BLTP1: variants seen among roughly 807,000 people sequenced by gnomAD.
The protein encoded by BLTP1 is bridge-like lipid transfer protein family member 1.
the BLTP1 span, chr4:122,344,882 A>G: frequency 1.0e-6 from 1 of 984,934 alleles, no homozygotes; most frequent in East Asian, 1.1e-4. Flanking sequence ...GTAAATGCTT[A>G]AAACACTAAA....
chr4:122,291,050 C>T, the BLTP1 span: 9 of 246,490 alleles, frequency 3.7e-5, no homozygotes, highest in Non-Finnish European at 5.2e-5. Context: ...CTTTTCTTAA[C>T]CTTTAGATTG....
the BLTP1 span, among the ~76,000 whole-genome samples, chr4:122,157,537 G>C: frequency 6.6e-6 from 1 of 152,178 alleles, no homozygotes; most frequent in African/African-American, 2.4e-5. Flanking sequence ...TTGGGTTTGT[G>C]CTCCTATGAG....
chr4:122,264,359 C>T, the BLTP1 span: 2 of 1,611,842 alleles, frequency 1.2e-6, no homozygotes, highest in Non-Finnish European at 1.7e-6. Context: ...TAGCACCAGT[C>T]AGGATGATGT....
the BLTP1 span, among the ~76,000 whole-genome samples, chr4:122,212,396 G>T: frequency 6.6e-6 from 1 of 152,032 alleles, no homozygotes; most frequent in Non-Finnish European, 1.5e-5. Flanking sequence ...TTACTTTCTT[G>T]AGATTGCATG....
chr4:122,229,129 T>C, the BLTP1 span: 2 of 1,596,844 alleles, frequency 1.3e-6, no homozygotes, highest in Non-Finnish European at 1.7e-6. Context: ...AGTTGAGTTG[T>C]ATTCCTGGGC....
the BLTP1 span, chr4:122,350,358 T>G: frequency 1.0e-6 from 1 of 985,334 alleles, no homozygotes; most frequent in Non-Finnish European, 1.2e-6. Context: ...ATGTTCTGGT[T>G]TAGAATGTCT....
chr4:122,324,587 T>C, the BLTP1 span: 1 of 1,457,142 alleles, frequency 6.9e-7, no homozygotes. Flanking sequence ...TTGACTCTTT[T>C]ACCAAGGTCA....
chr4:122,193,779 T>G, the BLTP1 span: 1 of 297,868 alleles, frequency 3.4e-6, no homozygotes, highest in South Asian at 1.3e-4. Flanking sequence ...GTGCTGATAC[T>G]AACTTGATGT....
the BLTP1 span, among the ~76,000 whole-genome samples, chr4:122,241,955 G>T: frequency 3.3e-5 from 5 of 152,228 alleles, no homozygotes; most frequent in African/African-American, 1.2e-4. Flanking sequence ...ATAGGCCATT[G>T]TCAGAAAGAC....
At chr4:122,334,659 T>G in the BLTP1 span, 2 of 1,032,524 alleles carry the variant, frequency 1.9e-6, no homozygotes, top group Non-Finnish European at 1.4e-6. Flanking sequence ...GACATACATT[T>G]GTCAATAATG....
At chr4:122,238,906 T>C in the BLTP1 span, among the ~76,000 whole-genome samples, 1 of 152,204 alleles carries the variant, frequency 6.6e-6, no homozygotes, top group Non-Finnish European at 1.5e-5. Flanking sequence ...TCTCAATAAC[T>C]GTTTGGTTTC....
the BLTP1 span, chr4:122,277,142 G>A: frequency 7.3e-5 from 64 of 871,922 alleles, no homozygotes; most frequent in Admixed American, 1.2e-4. Flanking sequence ...TTTGAGACCA[G>A]CCTGAGAAAT....
the BLTP1 span, chr4:122,348,828 G>A: frequency 1.4e-6 from 1 of 700,400 alleles, no homozygotes; most frequent in African/African-American, 1.8e-5. Flanking sequence ...TGAAAAAGAA[G>A]TAGATAAACG....
At chr4:122,297,590 G>A in the BLTP1 span, among the ~76,000 whole-genome samples, 1 of 152,094 alleles carries the variant, frequency 6.6e-6, no homozygotes, top group South Asian at 2.1e-4. Context: ...TCATTCTATT[G>A]TAAAGATACA....
chr4:122,290,646 G>A, the BLTP1 span, among the ~76,000 whole-genome samples: 2 of 150,812 alleles, frequency 1.3e-5, no homozygotes, highest in South Asian at 4.2e-4. Context: ...AATTAGCCTG[G>A]TGTGGTGGTG....
At chr4:122,304,491 G>C in the BLTP1 span, 1 of 154,456 alleles carries the variant, frequency 6.5e-6, no homozygotes, top group African/African-American at 2.4e-5. Context: ...GATTACAGGC[G>C]TGAGCCACCA....
At chr4:122,284,586 G>A in the BLTP1 span, among the ~76,000 whole-genome samples, 3 of 146,266 alleles carry the variant, frequency 2.1e-5, no homozygotes, top group African/African-American at 5.4e-5. Context: ...ATGTAAGTAT[G>A]TGTATACAGT....
the BLTP1 span, chr4:122,224,731 C>A: frequency 2.5e-6 from 4 of 1,612,870 alleles, no homozygotes; most frequent in Non-Finnish European, 3.4e-6. Flanking sequence ...CTTTCTCTAC[C>A]CACCTTCTCA....
the BLTP1 span, among the ~76,000 whole-genome samples, chr4:122,177,436 T>TA: frequency 6.6e-6 from 1 of 152,312 alleles, no homozygotes; most frequent in East Asian, 1.9e-4. Context: ...CCAGATCTTT[T>TA]AAAAATGTAA....
Sources: allele counts gnomAD v4.1 joint callset (sites outside exome capture counted in the v4.1 genomes callset), GRCh38; gene constraint gnomAD v4.1.1; transcripts MANE v1.5; gene names NCBI Gene and HGNC (gene_info 2026-07-23, HGNC 2026-07-21).